Variants in SPON1 observed in about 807,000 individuals in gnomAD.
SPON1 encodes the protein spondin-1.
Under a neutral mutation model 111.7 loss-of-function variants are expected in SPON1, and 52 were observed. The ratio of observed to expected loss-of-function variants is 0.47; its 90% CI spans 0.37 to 0.59. SPON1 has a LOEUF of 0.59. Among genes scored for constraint, SPON1 ranks in the 20% least tolerant of loss-of-function variants. The pLI, the probability that SPON1 is intolerant of heterozygous loss-of-function variation, is 0.00. For missense variants in SPON1, 957 were observed against 1,068.5 expected, an observed-to-expected ratio of 0.90 and a Z score of 1.46; for synonymous variants, 410 against 395.8, an observed-to-expected ratio of 1.04 and a Z score of -0.43.
rs200405096 is a variant in SPON1 at position 14,150,663 on chromosome 11, T to TA, written c.825+15102dup. Among the ~76,000 whole-genome samples, 1,447 of 152,106 alleles carry TA rather than the reference T, an allele frequency of 9.5e-3. 7 individuals carry two copies. Among genetic ancestry groups the TA allele is most frequent in the Non-Finnish European group, 0.014 (954 of 67,966 alleles). On this transcript the variant is annotated intron_variant, in intron 6 of 15. Coordinates refer to ENST00000576479, the MANE Select transcript of SPON1 (RefSeq NM_006108.4). ...AAAAGACCCATGGTGAGCGTGAAAC[T>TA]AAAAAAATAGAATAGAAAATGTCTC...
intron 2 of SPON1, among the ~76,000 whole-genome samples, chr11:13,988,006 T>C (rs1302679407): frequency 1.3e-5 from 2 of 152,232 alleles, no homozygotes; most frequent in African/African-American, 4.8e-5. Context: ...GCTTTGTTTT[T>C]CTTGCCTAGG....
chr11:14,087,231 G>A (rs1554922754), intron 5 of SPON1, among the ~76,000 whole-genome samples: 1 of 152,008 alleles, frequency 6.6e-6, no homozygotes, highest in Non-Finnish European at 1.5e-5. Context: ...TTTTAATTGT[G>A]ATGTTAGGGT....
At chr11:14,041,036 T>C (rs1554917216) in intron 2 of SPON1, among the ~76,000 whole-genome samples, 1 of 152,202 alleles carries the variant, frequency 6.6e-6, no homozygotes, top group African/African-American at 2.4e-5. Flanking sequence ...ATTAAGGAAG[T>C]AGGAACTGCG....
intron 6 of SPON1, among the ~76,000 whole-genome samples, chr11:14,160,737 T>A (rs1347070928): frequency 1.9e-4 from 1 of 5,340 alleles, no homozygotes; most frequent in Non-Finnish European, 3.1e-4. Context: ...TTATATATAT[T>A]TAATTTATAT....
chr11:14,103,379 T>A (rs782272910), intron 5 of SPON1, among the ~76,000 whole-genome samples: 3 of 152,284 alleles, frequency 2.0e-5, no homozygotes, highest in South Asian at 2.1e-4. Flanking sequence ...TGCCCTGAGA[T>A]TATTCTGGCT....
intron 3 of SPON1, among the ~76,000 whole-genome samples, chr11:14,060,610 C>A (rs781854962): frequency 2.0e-5 from 3 of 152,180 alleles, no homozygotes; most frequent in Non-Finnish European, 4.4e-5. Flanking sequence ...TTAAAACTTA[C>A]CTGTCCTTTG....
chr11:14,049,643 A>G (rs1554918244), intron 3 of SPON1, among the ~76,000 whole-genome samples: 1 of 152,202 alleles, frequency 6.6e-6, no homozygotes, highest in Non-Finnish European at 1.5e-5. Flanking sequence ...CAGTAAGGAC[A>G]CAGAGGCTGC....
intron 11 of SPON1, 116 bp downstream of exon 11, chr11:14,258,014 G>T: frequency 1.0e-6 from 1 of 998,794 alleles, no homozygotes; most frequent in South Asian, 2.0e-5. Context: ...GTAGATGTCA[G>T]TGGGGTCCAC....
intron 2 of SPON1, among the ~76,000 whole-genome samples, chr11:14,015,096 C>T (rs191858233): frequency 6.6e-6 from 1 of 152,264 alleles, no homozygotes; most frequent in Admixed American, 6.5e-5. Context: ...AGGTTTGGCT[C>T]AAAGCTTATT....
intron 5 of SPON1, among the ~76,000 whole-genome samples, chr11:14,110,666 A>G (rs1410599769): frequency 6.6e-6 from 1 of 152,204 alleles, no homozygotes; most frequent in Admixed American, 6.5e-5. Context: ...CCACTGGTGC[A>G]AGTTGCAGAG....
intron 6 of SPON1, among the ~76,000 whole-genome samples, chr11:14,154,445 C>A (rs1197088418): frequency 6.6e-6 from 1 of 152,226 alleles, no homozygotes; most frequent in East Asian, 1.9e-4. Context: ...TGAGACATAT[C>A]TTGGCCCCGC....
chr11:14,160,485 A>T (rs1381983942), intron 6 of SPON1, among the ~76,000 whole-genome samples: 3 of 13,968 alleles, frequency 2.1e-4, no homozygotes, highest in South Asian at 2.7e-3. Flanking sequence ...ATATATTTAT[A>T]TATATATATT....
chr11:14,067,905 T>A (rs535502297), intron 3 of SPON1, among the ~76,000 whole-genome samples: 1 of 152,206 alleles, frequency 6.6e-6, no homozygotes, highest in African/African-American at 2.4e-5. Flanking sequence ...CACTCTCCTG[T>A]CAGGTGGGCA....
chr11:14,052,961 C>T (rs538084562), intron 3 of SPON1, among the ~76,000 whole-genome samples: 2 of 152,298 alleles, frequency 1.3e-5, no homozygotes, highest in South Asian at 4.2e-4. Flanking sequence ...TTGACTGCAA[C>T]TTTGTTGGCA....
At chr11:14,265,108 G>C (rs995752857) in intron 15 of SPON1, among the ~76,000 whole-genome samples, 1 of 152,152 alleles carries the variant, frequency 6.6e-6, no homozygotes, top group Non-Finnish European at 1.5e-5. Flanking sequence ...AATTGGACCA[G>C]ACCAGCCTCA....
At chr11:14,031,973 C>T (rs1322160381) in intron 2 of SPON1, among the ~76,000 whole-genome samples, 1 of 152,078 alleles carries the variant, frequency 6.6e-6, no homozygotes, top group Non-Finnish European at 1.5e-5. Flanking sequence ...CCAGAAAAAA[C>T]TTAAGATGTC....
chr11:13,975,474 T>C (rs1554908984), intron 1 of SPON1, among the ~76,000 whole-genome samples: 1 of 152,010 alleles, frequency 6.6e-6, no homozygotes, highest in Non-Finnish European at 1.5e-5. Flanking sequence ...TGCAGTGGAG[T>C]TCAAGACAAT....
At chr11:14,114,377 A>C (rs1328374380) in intron 5 of SPON1, among the ~76,000 whole-genome samples, 1 of 152,254 alleles carries the variant, frequency 6.6e-6, no homozygotes, top group Non-Finnish European at 1.5e-5. Flanking sequence ...TCCCAAGGTC[A>C]CAGAGTTCAA....
At chr11:14,205,027 C>T (rs1848503436) in intron 6 of SPON1, among the ~76,000 whole-genome samples, 2 of 152,160 alleles carry the variant, frequency 1.3e-5, no homozygotes, top group Admixed American at 6.5e-5. Context: ...CTTAGACGTT[C>T]CCCAGCACAC....
Sources: gnomAD v4.1 joint callset for allele counts (sites outside exome capture counted in the v4.1 genomes callset) on GRCh38, gnomAD v4.1.1 for gene constraint, MANE v1.5 for transcripts, NCBI Gene and HGNC (gene_info 2026-07-23, HGNC 2026-07-21) for gene names.